The following OLA1 variants were observed in gnomAD, a reference collection of about 807,000 sequenced individuals.
OLA1 encodes the protein Obg like ATPase 1.
Under a neutral mutation model 48.4 loss-of-function variants are expected in OLA1, and 14 were observed. That is an observed-to-expected ratio of 0.29 (90% CI 0.19 to 0.45). The LOEUF is 0.45. OLA1 is among the 20% of genes least tolerant of loss of function. The pLI, the probability that OLA1 is intolerant of heterozygous loss-of-function variation, is 1.00. For missense variants in OLA1, 325 were observed against 467.1 expected (o/e 0.70, Z 2.80); for synonymous variants, 127 against 150.4 (o/e 0.84, Z 1.14).
intron 4 of OLA1, among the ~76,000 whole-genome samples, chr2:174,198,672 T>G (rs908532519): frequency 7.4e-4 from 113 of 152,158 alleles, no homozygotes; most frequent in African/African-American, 2.6e-3. Flanking sequence ...TCCCAGCTAC[T>G]CAGGAAGCTG....
At chr2:174,235,049 C>A (rs1047626628) in intron 2 of OLA1, among the ~76,000 whole-genome samples, 7 of 152,042 alleles carry the variant, frequency 4.6e-5, no homozygotes, top group African/African-American at 1.4e-4. Context: ...ATCGCAGCTA[C>A]GTGGGAGGCT....
At chr2:174,194,621 C>T (rs1206681692) in intron 4 of OLA1, among the ~76,000 whole-genome samples, 1 of 152,012 alleles carries the variant, frequency 6.6e-6, no homozygotes, top group African/African-American at 2.4e-5. Flanking sequence ...TTTAAAAATC[C>T]CAATACGTAA....
chr2:174,173,935 G>C (rs951913159), intron 4 of OLA1, among the ~76,000 whole-genome samples: 1 of 148,748 alleles, frequency 6.7e-6, no homozygotes, highest in Non-Finnish European at 1.5e-5. Context: ...TACCAAAACT[G>C]AACTAAGAAG....
chr2:174,157,761 C>T (rs1284403783), intron 4 of OLA1, among the ~76,000 whole-genome samples: 1 of 152,052 alleles, frequency 6.6e-6, no homozygotes, highest in Non-Finnish European at 1.5e-5. Context: ...TCACCAAGAA[C>T]ACCTAGTGTT....
chr2:174,213,361 G>A (rs1439923543), intron 4 of OLA1, among the ~76,000 whole-genome samples: 1 of 152,118 alleles, frequency 6.6e-6, no homozygotes, highest in African/African-American at 2.4e-5. Context: ...TAGGTATAGT[G>A]ATACTGCCAA....
chr2:174,219,767 T>C (rs1688457846), intron 4 of OLA1, among the ~76,000 whole-genome samples: 1 of 152,162 alleles, frequency 6.6e-6, no homozygotes, highest in Non-Finnish European at 1.5e-5. Flanking sequence ...AACTGAATAC[T>C]GTAATTGCAA....
intron 10 of OLA1, among the ~76,000 whole-genome samples, chr2:174,078,597 T>C (rs1684797871): frequency 1.3e-5 from 2 of 152,076 alleles, no homozygotes; most frequent in South Asian, 4.1e-4. Context: ...ATCTCTATTC[T>C]TGAAGTAATT....
chr2:174,204,400 C>G (rs1411229369), intron 4 of OLA1, among the ~76,000 whole-genome samples: 2 of 149,982 alleles, frequency 1.3e-5, no homozygotes, highest in Non-Finnish European at 3.0e-5. Context: ...GACTCTGTCT[C>G]AAAAAAAGAA....
chr2:174,169,464 C>T (rs12474970), intron 4 of OLA1, among the ~76,000 whole-genome samples: 81,006 of 152,058 alleles, frequency 0.53, 22,157 homozygotes, highest in East Asian at 0.94. Flanking sequence ...TAATCATTGA[C>T]TTTTTCATTA....
intron 4 of OLA1, among the ~76,000 whole-genome samples, chr2:174,219,232 A>G (rs1465407595): frequency 1.3e-5 from 2 of 151,334 alleles, no homozygotes; most frequent in Non-Finnish European, 2.9e-5. Flanking sequence ...GCTTGAGTCC[A>G]GGAGTTCAAG....
chr2:174,206,077 A>C (rs1402474046), intron 4 of OLA1, among the ~76,000 whole-genome samples: 3 of 152,232 alleles, frequency 2.0e-5, no homozygotes, highest in African/African-American at 4.8e-5. Flanking sequence ...GACAGTTATA[A>C]GGAAATGAAG....
At chr2:174,125,644 A>C (rs1443826408) in intron 5 of OLA1, among the ~76,000 whole-genome samples, 3 of 152,234 alleles carry the variant, frequency 2.0e-5, no homozygotes, top group Non-Finnish European at 4.4e-5. Flanking sequence ...GCTGATCACC[A>C]GTGAAGGAAT....
intron 10 of OLA1, among the ~76,000 whole-genome samples, chr2:174,076,995 T>A (rs974658091): frequency 6.6e-6 from 1 of 152,062 alleles, no homozygotes; most frequent in Admixed American, 6.6e-5. Context: ...TTGTTACCAC[T>A]CAAGTTTACT....
intron 4 of OLA1, among the ~76,000 whole-genome samples, chr2:174,188,026 TC>T (rs1393736252): frequency 6.6e-6 from 1 of 152,196 alleles, no homozygotes; most frequent in African/African-American, 2.4e-5. Flanking sequence ...CTCCAGTTGT[TC>T]ATTCATTGAC....
intron 7 of OLA1, among the ~76,000 whole-genome samples, chr2:174,097,691 C>T (rs962874650): frequency 7.3e-5 from 11 of 151,294 alleles, no homozygotes; most frequent in African/African-American, 1.7e-4. Context: ...CGCCATTGCA[C>T]TCCAGCCTGG....
At chr2:174,092,829 T>C (rs956194076) in intron 7 of OLA1, among the ~76,000 whole-genome samples, 2 of 152,164 alleles carry the variant, frequency 1.3e-5, no homozygotes, top group Non-Finnish European at 2.9e-5. Context: ...TGGGGAGGCA[T>C]ATCTGATTGC....
At chr2:174,090,196 G>A (rs1238068647) in intron 7 of OLA1, among the ~76,000 whole-genome samples, 1 of 152,060 alleles carries the variant, frequency 6.6e-6, no homozygotes, top group African/African-American at 2.4e-5. Context: ...CTAGAGAAAT[G>A]GCCATTTCTT....
intron 4 of OLA1, among the ~76,000 whole-genome samples, chr2:174,177,266 A>G (rs937400661): frequency 2.0e-5 from 3 of 152,164 alleles, no homozygotes; most frequent in African/African-American, 7.2e-5. Flanking sequence ...GAAATTTTAC[A>G]GTCTATTTCA....
chr2:174,164,179 T>A (rs1455433139), intron 4 of OLA1, among the ~76,000 whole-genome samples: 3 of 152,094 alleles, frequency 2.0e-5, no homozygotes, highest in Non-Finnish European at 1.5e-5. Flanking sequence ...TGCAGAACTG[T>A]AAGTCAATTA....
Sources: gnomAD v4.1 joint callset for allele counts (sites outside exome capture counted in the v4.1 genomes callset) on GRCh38, gnomAD v4.1.1 for gene constraint, MANE v1.5 for transcripts, NCBI Gene and HGNC (gene_info 2026-07-23, HGNC 2026-07-21) for gene names.